The following LHFPL2 variants were observed in gnomAD, a reference collection of about 807,000 sequenced individuals.
The protein encoded by LHFPL2 is LHFPL tetraspan subfamily member 2 protein.
A neutral mutation model predicts 17.5 loss-of-function variants in LHFPL2; 7 were observed. That is an observed-to-expected ratio of 0.40 (90% confidence interval 0.23 to 0.75). The LOEUF (loss-of-function observed/expected upper bound fraction) is 0.75, where lower values mean the gene tolerates loss of function less well. LHFPL2 is among the 30% of genes least tolerant of loss of function. The pLI, the probability that LHFPL2 is intolerant of heterozygous loss-of-function variation, is 0.37. For synonymous variants in LHFPL2, 134 were observed against 116.2 expected, an observed-to-expected ratio of 1.15 and a Z score of -0.99; for missense variants, 241 against 294.8, an observed-to-expected ratio of 0.82 and a Z score of 1.34.
chr5:78,499,767 A>C (rs763183445), intron 4 of LHFPL2, among the ~76,000 whole-genome samples: 1 of 152,218 alleles, frequency 6.6e-6, no homozygotes, highest in Non-Finnish European at 1.5e-5. Flanking sequence ...TGACTTGCTA[A>C]TCCTATTGCA....
At chr5:78,499,708 G>A (rs1354757262) in intron 4 of LHFPL2, among the ~76,000 whole-genome samples, 1 of 152,238 alleles carries the variant, frequency 6.6e-6, no homozygotes, top group Non-Finnish European at 1.5e-5. Flanking sequence ...AGGGGTTATG[G>A]AGAGTGGAAG....
chr5:78,600,816 T>C (rs551483303), intron 2 of LHFPL2, among the ~76,000 whole-genome samples: 74 of 152,172 alleles, frequency 4.9e-4, no homozygotes, highest in African/African-American at 1.8e-3. Flanking sequence ...AACAAAATAG[T>C]ATGAAGGAAG....
At chr5:78,505,697 T>C (rs1754911455) in intron 4 of LHFPL2, among the ~76,000 whole-genome samples, 1 of 152,220 alleles carries the variant, frequency 6.6e-6, no homozygotes, top group African/African-American at 2.4e-5. Flanking sequence ...ATATCCCTGT[T>C]CCGTAGAATG....
intron 1 of LHFPL2, among the ~76,000 whole-genome samples, chr5:78,643,781 T>C (rs1580887764): frequency 6.6e-6 from 1 of 151,968 alleles, no homozygotes; most frequent in Non-Finnish European, 1.5e-5. Context: ...ATCATCAGGG[T>C]CGGGCATGGT....
At chr5:78,580,037 C>T (rs1743052119) in intron 2 of LHFPL2, among the ~76,000 whole-genome samples, 1 of 152,176 alleles carries the variant, frequency 6.6e-6, no homozygotes, top group South Asian at 2.1e-4. Flanking sequence ...TAATGACTGC[C>T]ATTCTAACTG....
chr5:78,583,649 T>A (rs957889691), intron 2 of LHFPL2, among the ~76,000 whole-genome samples: 1 of 152,216 alleles, frequency 6.6e-6, no homozygotes, highest in South Asian at 2.1e-4. Flanking sequence ...TGCCAAGAGA[T>A]CTGCTGTTAG....
chr5:78,507,934 ACATG>A (rs1205116696), intron 4 of LHFPL2, among the ~76,000 whole-genome samples: 93 of 94,654 alleles, frequency 9.8e-4, no homozygotes, highest in African/African-American at 4.1e-3. Context: ...TAAGATATAC[ACATG>A]CATACACACA....
chr5:78,584,993 GTGTTTTT>G (rs1743320122), intron 2 of LHFPL2, among the ~76,000 whole-genome samples: 3 of 84,758 alleles, frequency 3.5e-5, no homozygotes, highest in African/African-American at 1.5e-4. Context: ...CTGGTGCGCT[GTGTTTTT>G]TTTTTTTTTT....
chr5:78,494,991 C>T (rs1352768407), intron 4 of LHFPL2, among the ~76,000 whole-genome samples: 1 of 152,172 alleles, frequency 6.6e-6, no homozygotes, highest in East Asian at 1.9e-4. Context: ...AAATTTATGT[C>T]TTAGGTAAAT....
chr5:78,629,962 A>G (rs1391810134), intron 2 of LHFPL2, among the ~76,000 whole-genome samples: 1 of 152,250 alleles, frequency 6.6e-6, no homozygotes, highest in Non-Finnish European at 1.5e-5. Flanking sequence ...CCTTATTAAC[A>G]AGTCCAAAAC....
At chr5:78,610,064 G>C (rs893156198) in intron 2 of LHFPL2, among the ~76,000 whole-genome samples, 2 of 152,114 alleles carry the variant, frequency 1.3e-5, no homozygotes, top group African/African-American at 4.8e-5. Flanking sequence ...CAGGGGACTA[G>C]AGTCACTTAC....
chr5:78,493,133 T>G (rs1279580490), intron 4 of LHFPL2, among the ~76,000 whole-genome samples: 1 of 152,246 alleles, frequency 6.6e-6, no homozygotes, highest in Non-Finnish European at 1.5e-5. Flanking sequence ...TCTTTGGGTA[T>G]GTAGATAAAG....
At chr5:78,627,614 G>C (rs1056776563) in intron 2 of LHFPL2, among the ~76,000 whole-genome samples, 2 of 152,060 alleles carry the variant, frequency 1.3e-5, no homozygotes, top group Non-Finnish European at 2.9e-5. Flanking sequence ...AGGAGACCTC[G>C]GGCAAGTCAC....
intron 2 of LHFPL2, among the ~76,000 whole-genome samples, chr5:78,598,386 T>C (rs1580845496): frequency 1.3e-5 from 2 of 152,206 alleles, no homozygotes; most frequent in African/African-American, 4.8e-5. Context: ...AGCCATGAGG[T>C]ATCCAACAAA....
chr5:78,514,836 C>CT (rs1329697972), intron 3 of LHFPL2, among the ~76,000 whole-genome samples: 1 of 152,198 alleles, frequency 6.6e-6, no homozygotes, highest in African/African-American at 2.4e-5. Context: ...TGTTTTTCAA[C>CT]TTTTTTATGA....
intron 3 of LHFPL2, among the ~76,000 whole-genome samples, chr5:78,551,013 A>G (rs548981399): frequency 6.6e-6 from 1 of 152,360 alleles, no homozygotes; most frequent in Non-Finnish European, 1.5e-5. Context: ...TCACCAAAAG[A>G]CAGAGCAGTC....
At chr5:78,570,649 C>T (rs556003797) in intron 2 of LHFPL2, among the ~76,000 whole-genome samples, 4 of 143,608 alleles carry the variant, frequency 2.8e-5, no homozygotes, top group Admixed American at 6.9e-5. Context: ...TATATATATA[C>T]GTATATATAT....
At chr5:78,581,454 G>A (rs909546796) in intron 2 of LHFPL2, among the ~76,000 whole-genome samples, 1 of 152,126 alleles carries the variant, frequency 6.6e-6, no homozygotes, top group Non-Finnish European at 1.5e-5. Context: ...TTATTATTTT[G>A]AGATACGTCC....
intron 3 of LHFPL2, among the ~76,000 whole-genome samples, chr5:78,544,752 T>TACACACACACACACACACACGTATAC (rs34278546): frequency 2.0e-5 from 3 of 149,004 alleles, no homozygotes; most frequent in Admixed American, 6.7e-5. Flanking sequence ...GCCATCTTCT[T>TACACACACACACACACACACGTATAC]ACACACACAC....
Sources: gnomAD v4.1 joint callset for allele counts (sites outside exome capture counted in the v4.1 genomes callset) on GRCh38, gnomAD v4.1.1 for gene constraint, MANE v1.5 for transcripts, NCBI Gene and HGNC (gene_info 2026-07-23, HGNC 2026-07-21) for gene names.